The following TRHDE variants were observed in gnomAD, a reference collection of about 807,000 sequenced individuals.
TRHDE encodes thyrotropin-releasing hormone-degrading ectoenzyme.
In TRHDE, 72 loss-of-function variants were observed where a neutral mutation model predicts 125.7. The observed-to-expected ratio is 0.57, with a 90% CI of 0.47 to 0.70. TRHDE has a LOEUF of 0.70. Ranked by LOEUF, TRHDE falls within the 30% of genes least tolerant of loss-of-function variation. TRHDE has a pLI of 0.00. For missense variants in TRHDE, 1,110 were observed against 1,327.1 expected, an observed-to-expected ratio of 0.84 and a Z score of 2.54; for synonymous variants, 509 against 509.1, an observed-to-expected ratio of 1.00 and a Z score of 0.00.
intron 5 of TRHDE, among the ~76,000 whole-genome samples, chr12:72,497,938 T>C (rs1282389573): frequency 6.6e-6 from 1 of 151,550 alleles, no homozygotes; most frequent in Non-Finnish European, 1.5e-5. Context: ...AGAAGAAATA[T>C]AGTATTTATG....
chr12:72,304,701 C>G (rs577737400), intron 2 of TRHDE, among the ~76,000 whole-genome samples: 32 of 152,138 alleles, frequency 2.1e-4, no homozygotes, highest in Non-Finnish European at 3.7e-4. Context: ...AAGTCTATCC[C>G]TAAGATGGTT....
At chr12:72,425,884 A>G (rs1041396703) in intron 3 of TRHDE, among the ~76,000 whole-genome samples, 1 of 152,056 alleles carries the variant, frequency 6.6e-6, no homozygotes, top group Admixed American at 6.6e-5. Flanking sequence ...AATTTTCACT[A>G]AAGAAACTAA....
chr12:72,246,330 G>C (rs1878575776), intron 2 of TRHDE, among the ~76,000 whole-genome samples: 1 of 152,062 alleles, frequency 6.6e-6, no homozygotes, highest in Non-Finnish European at 1.5e-5. Flanking sequence ...TCTGACTTCT[G>C]ATGCATTATT....
intron 2 of TRHDE, among the ~76,000 whole-genome samples, chr12:72,203,721 A>C (rs1328800285): frequency 6.6e-6 from 1 of 152,170 alleles, no homozygotes. Flanking sequence ...AGTTAAAGTC[A>C]ATTACCATCT....
chr12:72,246,884 C>T (rs1403042428), intron 2 of TRHDE, among the ~76,000 whole-genome samples: 2 of 152,152 alleles, frequency 1.3e-5, no homozygotes, highest in Non-Finnish European at 2.9e-5. Context: ...GAACATTTGT[C>T]AGTTCTTTTA....
intron 3 of TRHDE, among the ~76,000 whole-genome samples, chr12:72,406,771 G>A (rs1054325149): frequency 5.3e-5 from 8 of 152,224 alleles, no homozygotes; most frequent in East Asian, 3.9e-4. Flanking sequence ...TTTAAAAATA[G>A]TAAATAGTTG....
intron 5 of TRHDE, among the ~76,000 whole-genome samples, chr12:72,486,536 A>T (rs1194981156): frequency 6.6e-6 from 1 of 152,190 alleles, no homozygotes; most frequent in East Asian, 1.9e-4. Flanking sequence ...CTGAGGTACC[A>T]CAATTATTGC....
intron 3 of TRHDE, among the ~76,000 whole-genome samples, chr12:72,467,433 G>A (rs776136998): frequency 5.3e-5 from 8 of 151,052 alleles, no homozygotes; most frequent in Middle Eastern, 3.4e-3. Flanking sequence ...CCTTTTTTTC[G>A]TGTTATAGCT....
At chr12:72,179,801 C>T (rs1371327181) in intron 2 of TRHDE, among the ~76,000 whole-genome samples, 1 of 152,054 alleles carries the variant, frequency 6.6e-6, no homozygotes, top group Non-Finnish European at 1.5e-5. Flanking sequence ...CTTGTATATA[C>T]AGTAAGCATT....
intron 12 of TRHDE, among the ~76,000 whole-genome samples, chr12:72,577,427 T>A (rs945659310): frequency 6.6e-6 from 1 of 152,156 alleles, no homozygotes; most frequent in Admixed American, 6.6e-5. Flanking sequence ...ACAGCCTGGA[T>A]CCAGGTGGTC....
At chr12:72,340,151 A>G (rs1389344496) in intron 2 of TRHDE, among the ~76,000 whole-genome samples, 6 of 152,144 alleles carry the variant, frequency 3.9e-5, no homozygotes, top group African/African-American at 7.2e-5. Context: ...CCTGTTGCAT[A>G]ACTCACCTGG....
intron 2 of TRHDE, among the ~76,000 whole-genome samples, chr12:72,118,280 C>G (rs763306259): frequency 3.3e-5 from 5 of 151,936 alleles, no homozygotes; most frequent in Non-Finnish European, 7.4e-5. Flanking sequence ...TTAATTTTAT[C>G]AAATGATTTT....
At chr12:72,569,113 G>A (rs950252052) in intron 10 of TRHDE, among the ~76,000 whole-genome samples, 5 of 152,058 alleles carry the variant, frequency 3.3e-5, no homozygotes, top group Admixed American at 6.6e-5. Flanking sequence ...CAGAAGGTGG[G>A]GGGCTTGGAC....
At chr12:72,278,401 T>A (rs1342158143) in intron 1 of TRHDE, among the ~76,000 whole-genome samples, 1 of 152,178 alleles carries the variant, frequency 6.6e-6, no homozygotes, top group Non-Finnish European at 1.5e-5. Context: ...ATAAACATGT[T>A]GCAGATATCT....
intron 2 of TRHDE, among the ~76,000 whole-genome samples, chr12:72,242,019 A>C (rs1878491656): frequency 6.6e-6 from 1 of 152,220 alleles, no homozygotes; most frequent in Non-Finnish European, 1.5e-5. Context: ...GAGTTATAAC[A>C]GTTCTTTATT....
At chr12:72,642,870 G>A (rs1427674447) in intron 15 of TRHDE, among the ~76,000 whole-genome samples, 2 of 152,132 alleles carry the variant, frequency 1.3e-5, no homozygotes, top group Non-Finnish European at 2.9e-5. Flanking sequence ...ACAAACAAAT[G>A]GGCATTTTCA....
At chr12:72,232,424 G>A (rs1253207156) in intron 2 of TRHDE, among the ~76,000 whole-genome samples, 1 of 152,120 alleles carries the variant, frequency 6.6e-6, no homozygotes, top group Non-Finnish European at 1.5e-5. Flanking sequence ...TGGAATATGG[G>A]CTTTGGTTTG....
At chr12:72,339,874 CA>C (rs1870002545) in intron 2 of TRHDE, among the ~76,000 whole-genome samples, 1 of 152,106 alleles carries the variant, frequency 6.6e-6, no homozygotes, top group African/African-American at 2.4e-5. Flanking sequence ...CTTATTCAGC[CA>C]AGGTTTATCT....
intron 2 of TRHDE, among the ~76,000 whole-genome samples, chr12:72,129,801 A>T (rs1449113395): frequency 6.6e-6 from 1 of 152,244 alleles, no homozygotes; most frequent in African/African-American, 2.4e-5. Context: ...TTGAATGCAA[A>T]ATCCAATAAT....
Sources: gnomAD v4.1 joint callset for allele counts (sites outside exome capture counted in the v4.1 genomes callset) on GRCh38, gnomAD v4.1.1 for gene constraint, MANE v1.5 for transcripts, NCBI Gene and HGNC (gene_info 2026-07-23, HGNC 2026-07-21) for gene names.